GALK2: variants seen among roughly 807,000 people sequenced by gnomAD.
The protein encoded by GALK2 is N-acetylgalactosamine kinase.
GALK2 carries 36 observed loss-of-function variants against 52.4 expected under a neutral mutation model. That is an observed-to-expected ratio of 0.69 (90% CI 0.53 to 0.91). GALK2 has a LOEUF of 0.91. Among genes scored for constraint, GALK2 ranks in the 40% least tolerant of loss-of-function variants. The pLI is 0.00. For missense variants in GALK2, 579 were observed against 559.1 expected, an observed-to-expected ratio of 1.04 and a Z score of -0.36; for synonymous variants, 176 against 199.1, an observed-to-expected ratio of 0.88 and a Z score of 0.98.
At chr15:49,264,487 G>T (rs1341246276) in intron 5 of GALK2, among the ~76,000 whole-genome samples, 1 of 152,132 alleles carries the variant, frequency 6.6e-6, no homozygotes, top group East Asian at 1.9e-4. Flanking sequence ...TTTTTTCAAA[G>T]TTTTCAACTT....
At chr15:49,361,242 A>G (rs539081921) in intron 3 of GALK2, among the ~76,000 whole-genome samples, 4 of 151,826 alleles carry the variant, frequency 2.6e-5, no homozygotes, top group African/African-American at 9.7e-5. Flanking sequence ...TATGATGCAA[A>G]TTTTTTTTTA....
chr15:49,354,703 AAC>A (rs1491310215), intron 3 of GALK2, among the ~76,000 whole-genome samples: 13 of 152,198 alleles, frequency 8.5e-5, no homozygotes, highest in Admixed American at 2.6e-4. Flanking sequence ...AGGTAAACAA[AAC>A]AGTCGGGAAG....
chr15:49,254,753 G>T (rs1241868850), intron 5 of GALK2, among the ~76,000 whole-genome samples: 1 of 143,846 alleles, frequency 7.0e-6, no homozygotes, highest in Non-Finnish European at 1.6e-5. Context: ...TTTATATTTA[G>T]AAGTTTTCAT....
chr15:49,255,013 A>G (rs2141589133), intron 5 of GALK2, among the ~76,000 whole-genome samples: 1 of 143,682 alleles, frequency 7.0e-6, no homozygotes, highest in Admixed American at 7.0e-5. Flanking sequence ...TTTCTGAGCC[A>G]TTTGGGAATT....
intron 9 of GALK2, among the ~76,000 whole-genome samples, chr15:49,321,530 G>A (rs1325550325): frequency 6.6e-6 from 1 of 152,204 alleles, no homozygotes; most frequent in Admixed American, 6.5e-5. Context: ...TTTGTCCTGA[G>A]AAACTTTCCT....
At chr15:49,212,029 A>C (rs2088946591) in intron 2 of GALK2, among the ~76,000 whole-genome samples, 1 of 152,290 alleles carries the variant, frequency 6.6e-6, no homozygotes, top group Admixed American at 6.5e-5. Context: ...ACTCTCTGCT[A>C]TCAGTTATAA....
chr15:49,299,887 C>T (rs1048391309), intron 8 of GALK2, among the ~76,000 whole-genome samples: 3 of 151,028 alleles, frequency 2.0e-5, no homozygotes, highest in South Asian at 2.1e-4. Flanking sequence ...TCTTATAATA[C>T]GTGCCATGTG....
intron 2 of GALK2, among the ~76,000 whole-genome samples, chr15:49,210,562 C>G (rs1351344987): frequency 6.6e-6 from 1 of 152,042 alleles, no homozygotes; most frequent in Non-Finnish European, 1.5e-5. Context: ...GCCTTAGCCT[C>G]CCAAGTAGCT....
At chr15:49,327,854 T>G (rs765806715) in intron 9 of GALK2, 98 bp from the exon 10 acceptor site, 81 of 1,163,052 alleles carry the variant, frequency 7.0e-5, no homozygotes, top group Middle Eastern at 4.5e-4. Flanking sequence ...ATGTATTTTC[T>G]TCTTAGAACT....
intron 5 of GALK2, among the ~76,000 whole-genome samples, chr15:49,279,627 G>T (rs2032401775): frequency 6.6e-6 from 1 of 152,176 alleles, no homozygotes; most frequent in Non-Finnish European, 1.5e-5. Context: ...ATAATGCAAG[G>T]TACTTAGTAT....
intron 1 of GALK2, chr15:49,195,186 C>T (rs1299068385): frequency 2.3e-6 from 1 of 432,128 alleles, no homozygotes; most frequent in Non-Finnish European, 4.6e-6. Flanking sequence ...ATTCTCCTGC[C>T]TCCGCCTCCG....
In GALK2 at chr15:49,282,086, G is replaced by C. The variant is rs990738712; in HGVS notation, c.603+1G>C. 1 of 1,604,094 alleles carries C rather than the reference G, an allele frequency of 6.2e-7. No homozygotes were observed. Among genetic ancestry groups the C allele is most frequent in the Non-Finnish European group, 8.5e-7 (1 of 1,172,230 alleles). ...ATCATTTCTTGCAGAAGAAGGAACT[G>C]TAGGTAGCATTCCAAGTAGGAACCA... On this transcript the variant is annotated splice_donor_variant, in intron 6 of 9. Transcript: ENST00000560031. LOFTEE classifies it high-confidence loss of function.
intron 3 of GALK2, among the ~76,000 whole-genome samples, chr15:49,339,829 G>C (rs1172021139): frequency 6.6e-6 from 1 of 152,180 alleles, no homozygotes; most frequent in African/African-American, 2.4e-5. Flanking sequence ...TGCCCGTAGA[G>C]GAATGAATCT....
At chr15:49,340,071 G>T (rs933690300) in intron 3 of GALK2, among the ~76,000 whole-genome samples, 1 of 152,126 alleles carries the variant, frequency 6.6e-6, no homozygotes, top group Non-Finnish European at 1.5e-5. Flanking sequence ...GGTGGGACCC[G>T]CTGAGCCAGA....
chr15:49,233,229 C>T (rs1406337321), intron 3 of GALK2, among the ~76,000 whole-genome samples: 1 of 152,114 alleles, frequency 6.6e-6, no homozygotes, highest in Non-Finnish European at 1.5e-5. Flanking sequence ...GCAGGCATGT[C>T]TACATGGCCA....
At chr15:49,262,749 A>G (rs2092181787) in intron 5 of GALK2, among the ~76,000 whole-genome samples, 1 of 144,568 alleles carries the variant, frequency 6.9e-6, no homozygotes, top group Non-Finnish European at 1.5e-5. Context: ...AATGCATCCC[A>G]GAGATTCTGG....
chr15:49,186,289 A>G (rs1021699343), intron 1 of GALK2, among the ~76,000 whole-genome samples: 2 of 151,824 alleles, frequency 1.3e-5, no homozygotes, highest in African/African-American at 2.4e-5. Context: ...TCGGCATGCT[A>G]TATTCTTTTT....
At chr15:49,184,528 T>C (rs1473256139) in intron 1 of GALK2, among the ~76,000 whole-genome samples, 1 of 152,186 alleles carries the variant, frequency 6.6e-6, no homozygotes, top group Non-Finnish European at 1.5e-5. Flanking sequence ...ATGGTGTTCT[T>C]GTTGTTTTGT....
At chr15:49,273,037 G>A (rs944767514) in intron 5 of GALK2, among the ~76,000 whole-genome samples, 1 of 152,152 alleles carries the variant, frequency 6.6e-6, no homozygotes, top group South Asian at 2.1e-4. Flanking sequence ...GCTTTCTCCA[G>A]GTTCATTAGA....
Sources: allele counts gnomAD v4.1 joint callset (sites outside exome capture counted in the v4.1 genomes callset), GRCh38; gene constraint gnomAD v4.1.1; transcripts MANE v1.5; gene names NCBI Gene and HGNC (gene_info 2026-07-23, HGNC 2026-07-21).